NRG3: variants seen among roughly 807,000 people sequenced by gnomAD.
NRG3 encodes the protein neuregulin 3.
NRG3 carries 31 observed loss-of-function variants against 66.9 expected under a neutral mutation model. The ratio of observed to expected loss-of-function variants is 0.46; its 90% CI spans 0.35 to 0.63. NRG3 has a LOEUF of 0.63. Ranked by LOEUF, NRG3 falls within the 20% of genes least tolerant of loss-of-function variation. The pLI, the probability that NRG3 is intolerant of heterozygous loss-of-function variation, is 0.00. For missense variants in NRG3, 910 were observed against 878.9 expected (o/e 1.04, Z -0.45); for synonymous variants, 393 against 359.4 (o/e 1.09, Z -1.06).
At chr10:82,878,246 G>T (rs978387958) in intron 4 of NRG3, among the ~76,000 whole-genome samples, 3 of 152,174 alleles carry the variant, frequency 2.0e-5, no homozygotes, top group African/African-American at 4.8e-5. Flanking sequence ...TGGTGAAGGG[G>T]CCAGAGCAGA....
intron 1 of NRG3, among the ~76,000 whole-genome samples, chr10:81,993,224 C>T (rs2060806432): frequency 6.6e-6 from 1 of 152,058 alleles, no homozygotes; most frequent in Non-Finnish European, 1.5e-5. Flanking sequence ...AATAAAAGAA[C>T]ATAGGAAAGA....
intron 2 of NRG3, among the ~76,000 whole-genome samples, chr10:82,526,057 G>T (rs1421150906): frequency 1.3e-5 from 2 of 151,942 alleles, no homozygotes; most frequent in Non-Finnish European, 2.9e-5. Context: ...AGTTGACTGG[G>T]TGGACACAGT....
chr10:82,341,184 A>G (rs973602569), intron 1 of NRG3, among the ~76,000 whole-genome samples: 24 of 152,158 alleles, frequency 1.6e-4, no homozygotes, highest in African/African-American at 5.8e-4. Flanking sequence ...GGGTTCCAAG[A>G]TGAATGAACT....
intron 3 of NRG3, among the ~76,000 whole-genome samples, chr10:82,807,253 G>A (rs1006999263): frequency 1.3e-5 from 2 of 152,054 alleles, no homozygotes; most frequent in Non-Finnish European, 2.9e-5. Flanking sequence ...ACTTATTTAG[G>A]GGGCATCTTG....
intron 2 of NRG3, among the ~76,000 whole-genome samples, chr10:82,392,051 G>A (rs73310889): frequency 7.1e-6 from 1 of 141,076 alleles, no homozygotes; most frequent in African/African-American, 2.7e-5. Context: ...CATTAGAATT[G>A]CCCCATGTGA....
intron 1 of NRG3, among the ~76,000 whole-genome samples, chr10:82,208,089 A>T (rs376614012): frequency 6.6e-6 from 1 of 152,212 alleles, no homozygotes; most frequent in Non-Finnish European, 1.5e-5. Flanking sequence ...ACAATTTAAA[A>T]GATGAGAAAA....
chr10:82,275,126 A>C (rs1376645673), intron 1 of NRG3, among the ~76,000 whole-genome samples: 1 of 152,092 alleles, frequency 6.6e-6, no homozygotes. Context: ...TGAATCCAAT[A>C]ACCTAACAAT....
intron 2 of NRG3, among the ~76,000 whole-genome samples, chr10:82,701,148 C>A (rs1296472095): frequency 6.6e-6 from 1 of 151,850 alleles, no homozygotes; most frequent in Non-Finnish European, 1.5e-5. Context: ...TTATAATAAA[C>A]ATTTATTAAC....
intron 2 of NRG3, among the ~76,000 whole-genome samples, chr10:82,426,657 G>T (rs1331548140): frequency 6.8e-6 from 1 of 147,600 alleles, no homozygotes. Flanking sequence ...TTTTGAGACA[G>T]GGTCTCACTT....
intron 1 of NRG3, among the ~76,000 whole-genome samples, chr10:81,925,934 G>A (rs1846736517): frequency 6.6e-6 from 1 of 152,046 alleles, no homozygotes; most frequent in Non-Finnish European, 1.5e-5. Flanking sequence ...CCTCAAAGGT[G>A]AAGAGGCCTA....
chr10:82,137,817 G>A (rs2132600259), intron 1 of NRG3, among the ~76,000 whole-genome samples: 1 of 152,154 alleles, frequency 6.6e-6, no homozygotes, highest in South Asian at 2.1e-4. Context: ...GAATGTTAAG[G>A]GTTTATAATC....
At chr10:82,783,469 GC>G (rs2060206879) in intron 3 of NRG3, among the ~76,000 whole-genome samples, 3 of 151,624 alleles carry the variant, frequency 2.0e-5, no homozygotes, top group African/African-American at 7.3e-5. Flanking sequence ...CATTGTCTCA[GC>G]CCAAAATCTC....
At chr10:82,697,431 C>G (rs1255256328) in intron 2 of NRG3, among the ~76,000 whole-genome samples, 1 of 152,170 alleles carries the variant, frequency 6.6e-6, no homozygotes, top group Middle Eastern at 3.2e-3. Flanking sequence ...ACTCAGGCAG[C>G]TAGCCATCTT....
At chr10:81,900,897 G>T (rs958386593) in intron 1 of NRG3, among the ~76,000 whole-genome samples, 1 of 151,948 alleles carries the variant, frequency 6.6e-6, no homozygotes. Context: ...TTTAAAAGAG[G>T]TTTTTCTGGA....
intron 1 of NRG3, among the ~76,000 whole-genome samples, chr10:82,199,985 G>A (rs2074702355): frequency 6.6e-6 from 1 of 151,484 alleles, no homozygotes; most frequent in South Asian, 2.1e-4. Flanking sequence ...GTGGAGATTG[G>A]TTTATTCCTT....
intron 2 of NRG3, among the ~76,000 whole-genome samples, chr10:82,455,508 A>G (rs1215051299): frequency 6.6e-6 from 1 of 152,082 alleles, no homozygotes; most frequent in Non-Finnish European, 1.5e-5. Context: ...AAGGCCTGGA[A>G]GTTGCTGTAG....
intron 3 of NRG3, among the ~76,000 whole-genome samples, chr10:82,790,161 T>C (rs968172471): frequency 1.3e-5 from 2 of 152,124 alleles, no homozygotes; most frequent in African/African-American, 4.8e-5. Context: ...CTAATATTTA[T>C]TTATGTAGTT....
intron 1 of NRG3, among the ~76,000 whole-genome samples, chr10:82,289,617 T>C (rs1177006551): frequency 6.6e-6 from 1 of 152,188 alleles, no homozygotes; most frequent in African/African-American, 2.4e-5. Flanking sequence ...GAAAATAATA[T>C]TCATTTCCTC....
Position 81,875,517 on chromosome 10 carries a change from G to A in NRG3, c.177G>A (p.Val59=), listed in dbSNP as rs777971792. ...PRELRCSDCI[V]WNRQQTWLCV... The stretch of plus-strand genomic sequence containing the variant: ...AGTTACGCTGTAGCGACTGCATCGT[G>A]TGGAACCGGCAGCAGACGTGGCTGT... The change falls in exon 1 of 9, where the codon GTG becomes GTA. Residue 59 remains valine, a synonymous_variant. Transcript: ENST00000372141. The surrounding 1 kb of genome is among the most constrained non-coding windows in gnomAD (Gnocchi z 5.3). The A allele has an allele frequency of 3.7e-6, 6 of 1,610,730 alleles. No individual in the cohort carries two copies. The highest frequency in any genetic ancestry group is 4.2e-6 in the Non-Finnish European group (5 of 1,179,128).
Sources: allele counts gnomAD v4.1 joint callset (sites outside exome capture counted in the v4.1 genomes callset), GRCh38; gene constraint gnomAD v4.1.1; non-coding constraint Gnocchi (gnomAD v3.1); transcripts MANE v1.5; gene names NCBI Gene and HGNC (gene_info 2026-07-23, HGNC 2026-07-21).